The following ARRB1 variants were observed in gnomAD, a reference collection of about 807,000 sequenced individuals.
ARRB1 encodes arrestin beta 1.
A neutral mutation model predicts 56.8 loss-of-function variants in ARRB1; 21 were observed. The observed-to-expected ratio is 0.37, with a 90% CI of 0.26 to 0.53. The LOEUF is 0.53. Among genes scored for constraint, ARRB1 ranks in the 20% least tolerant of loss-of-function variants. The pLI, the probability that ARRB1 is intolerant of heterozygous loss-of-function variation, is 0.88. For missense variants in ARRB1, 424 were observed against 553.7 expected, an observed-to-expected ratio of 0.77 and a Z score of 2.35; for synonymous variants, 210 against 218.6, an observed-to-expected ratio of 0.96 and a Z score of 0.35.
intron 1 of ARRB1, among the ~76,000 whole-genome samples, chr11:75,322,475 C>A (rs991103963): frequency 9.9e-5 from 15 of 152,158 alleles, no homozygotes; most frequent in African/African-American, 3.4e-4. Context: ...CACTGCACTC[C>A]AGCCTGGGCA....
Position 75,266,319 on chromosome 11 carries a change from G to C in ARRB1, c.1146-45C>G, listed in dbSNP as rs1002974291. 9.2e-6 allele frequency: 14 copies of C among 1,529,490 alleles called. 1 individual carries two copies. The highest frequency in any genetic ancestry group is 3.6e-6 in the Non-Finnish European group (4 of 1,103,316). 94.7% of individuals were successfully genotyped at this position (1,529,490 alleles called of 1,614,324 possible). On this transcript the variant is annotated intron_variant, in intron 15 of 15. Coordinates refer to ENST00000420843, the MANE Select transcript of ARRB1 (RefSeq NM_004041.5). ...AAATGTGGTGTGTTTGCAGGGGCAG[G>C]GAGAGTAGGCTTATCCAGAGGCCCG...
chr11:75,350,997 G>A (rs1039311833), intron 1 of ARRB1, among the ~76,000 whole-genome samples: 1 of 152,226 alleles, frequency 6.6e-6, no homozygotes, highest in Non-Finnish European at 1.5e-5. Flanking sequence ...GCCAGCACAA[G>A]TGTGTGTGCC....
chr11:75,328,917 T>C lies in ARRB1; in HGVS notation c.20+22671A>G, dbSNP rs188406132. Among the ~76,000 whole-genome samples the C allele has an allele frequency of 5.3e-5, 8 of 151,880 alleles. 1 individual carries two copies. In the East Asian group the frequency reaches 1.6e-3, roughly 29 times the overall value. On this transcript the variant is annotated intron_variant, in intron 1 of 15. Transcript: ENST00000420843. ...AGATCTGCACAGCAAAACCATTGAGTGGAACGGGAACGGCTGGGCTGAGAG... is the reference window on the plus strand; with the variant it reads ...AGATCTGCACAGCAAAACCATTGAGCGGAACGGGAACGGCTGGGCTGAGAG...
chr11:75,272,332 G>A (rs1434081523), intron 12 of ARRB1, among the ~76,000 whole-genome samples: 1 of 152,208 alleles, frequency 6.6e-6, no homozygotes, highest in Non-Finnish European at 1.5e-5. Flanking sequence ...CTATGCTCCA[G>A]GGCAGGGCAG....
In ARRB1 at chr11:75,263,127, G is replaced by A. The variant is rs113528497; in HGVS notation, c.*3036C>T. 3.2e-4 allele frequency among the ~76,000 whole-genome samples: 48 copies of A among 152,330 alleles called. No individual in the cohort carries two copies. The highest frequency in any genetic ancestry group is 1.1e-3 in the African/African-American group (45 of 41,572). The stretch of plus-strand genomic sequence containing the variant: ...GCCCCAAACACTTGGCAGAGAAACC[G>A]CCAGTACTGTGGGATGGTGCCTGGG... On this transcript the variant is annotated 3_prime_UTR_variant, in exon 16 of 16. Transcript: ENST00000420843.
At position 75,267,702 on chromosome 11, in the gene ARRB1, A is replaced by C; in HGVS notation, c.1095T>G (p.Val365=). 1 of 1,555,950 alleles carries C rather than the reference A, an allele frequency of 6.4e-7. No individual in the cohort carries two copies. Among genetic ancestry groups the C allele is most frequent in the Non-Finnish European group, 8.7e-7 (1 of 1,145,600 alleles). ...TATCTACTGGCGTCTCGTTCTCTGG[A>C]ACTAAACACAGGGTGGGTGGGCAGG... ...KPKEEPPHRE[V]PENETPVDTN... The change falls in exon 15 of 16, where the codon GTT becomes GTG. Residue 365 remains valine, a splice_region_variant and synonymous_variant. Coordinates refer to ENST00000420843, the MANE Select transcript of ARRB1 (RefSeq NM_004041.5).
At chr11:75,290,711 C>A (rs1457917233) in intron 1 of ARRB1, among the ~76,000 whole-genome samples, 1 of 152,108 alleles carries the variant, frequency 6.6e-6, no homozygotes, top group Non-Finnish European at 1.5e-5. Flanking sequence ...CCTCTCAAGT[C>A]ACTGGGACCA....
intron 10 of ARRB1, among the ~76,000 whole-genome samples, chr11:75,275,648 A>G (rs1187826168): frequency 1.3e-5 from 2 of 152,214 alleles, no homozygotes; most frequent in Admixed American, 6.5e-5. Context: ...GAGAGCTGTC[A>G]TGCAGCAGAT....
At chr11:75,289,781 C>G (rs1200835769) in intron 2 of ARRB1, among the ~76,000 whole-genome samples, 1 of 152,232 alleles carries the variant, frequency 6.6e-6, no homozygotes, top group African/African-American at 2.4e-5. Context: ...CACCAGAGCT[C>G]AGGGGAGCTG....
rs185857261 is a variant in ARRB1 at position 75,301,257 on chromosome 11, A to G, written c.21-11218T>C. ...GCAGAGGCCTGGAGAGGGCAACTGA[A>G]TCCACCAGGTGCTCAGGAGACAGCG... On this transcript the variant is annotated intron_variant, in intron 1 of 15. Transcript: ENST00000420843. Among the ~76,000 whole-genome samples, 6 of 152,270 alleles carry G rather than the reference A, an allele frequency of 3.9e-5. No homozygotes were observed. The East Asian group carries it at 1.2e-3, about 29-fold the overall frequency.
chr11:75,346,246 T>TC (rs1947764180), intron 1 of ARRB1, among the ~76,000 whole-genome samples: 1 of 151,928 alleles, frequency 6.6e-6, no homozygotes, highest in South Asian at 2.1e-4. Flanking sequence ...TTCCTCCAAG[T>TC]CCCCCACCTG....
intron 1 of ARRB1, among the ~76,000 whole-genome samples, chr11:75,293,124 CT>C (rs754493588): frequency 1.3e-5 from 2 of 152,152 alleles, no homozygotes; most frequent in African/African-American, 2.4e-5. Context: ...GGGGAATGAC[CT>C]GCTGCTAACC....
chr11:75,291,191 G>C (rs1946605502), intron 1 of ARRB1, among the ~76,000 whole-genome samples: 1 of 152,118 alleles, frequency 6.6e-6, no homozygotes, highest in African/African-American at 2.4e-5. Context: ...GCAAAAATTA[G>C]CTGGGCATGG....
At chr11:75,324,319 G>A (rs1394616133) in intron 1 of ARRB1, among the ~76,000 whole-genome samples, 2 of 152,176 alleles carry the variant, frequency 1.3e-5, no homozygotes, top group African/African-American at 4.8e-5. Flanking sequence ...CTGGGACAGC[G>A]CCTAGCACAC....
intron 1 of ARRB1, among the ~76,000 whole-genome samples, chr11:75,322,244 G>A (rs577333295): frequency 2.6e-5 from 4 of 152,336 alleles, no homozygotes; most frequent in African/African-American, 4.8e-5. Context: ...CCAGCCAGAC[G>A]CCTGTTATCC....
At chr11:75,317,792 A>T (rs1411614050) in intron 1 of ARRB1, among the ~76,000 whole-genome samples, 1 of 152,172 alleles carries the variant, frequency 6.6e-6, no homozygotes, top group Non-Finnish European at 1.5e-5. Context: ...GCAGAGTGAG[A>T]ATGATCATCC....
chr11:75,330,140 T>C (rs879605297), intron 1 of ARRB1, among the ~76,000 whole-genome samples: 1 of 152,208 alleles, frequency 6.6e-6, no homozygotes, highest in Non-Finnish European at 1.5e-5. Flanking sequence ...TCTCTTCTAG[T>C]CTATTTACCT....
chr11:75,302,893 G>T (rs1194650232), intron 1 of ARRB1, among the ~76,000 whole-genome samples: 1 of 152,084 alleles, frequency 6.6e-6, no homozygotes, highest in Non-Finnish European at 1.5e-5. Flanking sequence ...GGAGGAGATG[G>T]TCATGTTACT....
chr11:75,287,440 G>A, intron 2 of ARRB1, 65 bp from the exon 3 acceptor site: 1 of 1,509,272 alleles, frequency 6.6e-7, no homozygotes, highest in Non-Finnish European at 9.0e-7. Flanking sequence ...ACCCTGTCTT[G>A]GAGGAAACCC....
Sources: gnomAD v4.1 joint callset for allele counts (sites outside exome capture counted in the v4.1 genomes callset) on GRCh38, gnomAD v4.1.1 for gene constraint, MANE v1.5 for transcripts, NCBI Gene and HGNC (gene_info 2026-07-23, HGNC 2026-07-21) for gene names.